The following ADGRG4 variants were observed in gnomAD, a reference collection of about 807,000 sequenced individuals.
The protein encoded by ADGRG4 is adhesion G protein-coupled receptor G4, also known as G protein-coupled receptor 112.
ADGRG4 carries 122 observed loss-of-function variants against 126.2 expected under a neutral mutation model. The observed-to-expected ratio is 0.97, with a 90% CI of 0.83 to 1.12. The LOEUF is 1.12. ADGRG4 is among the 50% of genes most tolerant of loss of function. The pLI is 0.00. For synonymous variants in ADGRG4, 943 were observed against 838.7 expected, an observed-to-expected ratio of 1.12 and a Z score of -2.15; for missense variants, 2,481 against 2,251.8, an observed-to-expected ratio of 1.10 and a Z score of -2.06.
At chrX:136,371,864 G>A (rs927171294) in intron 14 of ADGRG4, among the ~76,000 whole-genome samples, 3 of 111,450 alleles carry the variant, frequency 2.7e-5, no homozygotes, top group South Asian at 3.7e-4. Context: ...TTGAGCATCC[G>A]TGGATTTTTG....
chrX:136,318,067 T>C (rs1487425535), intron 4 of ADGRG4, among the ~76,000 whole-genome samples: 1 of 112,416 alleles, frequency 8.9e-6, no homozygotes, highest in Non-Finnish European at 1.9e-5. Flanking sequence ...AATAAAAACA[T>C]GTGTTCAAAC....
rs768914443 is a variant in ADGRG4, at chrX:136,346,775, T to C, written c.3069T>C (p.Ser1023=). 4 of 1,209,482 alleles carry C rather than the reference T, an allele frequency of 3.3e-6. No individual in the cohort carries two copies. Among genetic ancestry groups the C allele is most frequent in the Non-Finnish European group, 4.5e-6 (4 of 894,580 alleles). Residue 1023 remains serine, a synonymous_variant, in exon 6 of 26, where the codon TCT becomes TCC. Coordinates refer to ENST00000394143, the MANE Select transcript of ADGRG4 (RefSeq NM_153834.4). ...TCTCATTGCCAGTTAATGGCAGTTC[T>C]GTGGTGGCTGAGGAGACTGAGGTTA... The part of the protein sequence containing the change: ...HMFSLPVNGS[S]VVAEETEVTM...
Position 136,414,318 on chromosome X carries a change from T to C in ADGRG4, c.9196T>C (p.Phe3066Leu). The change falls in exon 25 of 26, where the codon TTT becomes CTT. Residue 3066 changes from phenylalanine (F) to leucine (L), a missense_variant. Physicochemically the swap from Phe to Leu is conservative, Grantham distance 22. Coordinates refer to ENST00000394143, the MANE Select transcript of ADGRG4 (RefSeq NM_153834.4). ...ACAAGGCACACCTTCAGAAATAAGCTTTCCAAATGGTAAGAAAAAAAGGCT... is the reference window on the plus strand; with the variant it reads ...ACAAGGCACACCTTCAGAAATAAGCCTTCCAAATGGTAAGAAAAAAAGGCT... ...SAQGTPSEIS[F>L]PNDDFDKDPY... 7.5e-6 allele frequency: 9 copies of C among 1,192,671 alleles called. No individual in the cohort carries two copies. The highest frequency in any genetic ancestry group is 1.0e-5 in the Non-Finnish European group (9 of 886,332).
At chrX:136,326,054 C>T (rs1350553804) in intron 5 of ADGRG4, among the ~76,000 whole-genome samples, 2 of 112,297 alleles carry the variant, frequency 1.8e-5, no homozygotes, top group Non-Finnish European at 3.8e-5. Flanking sequence ...CTGGGTCTGA[C>T]TGAATCATGG....
Position 136,392,334 on chromosome X carries a change from C to A in ADGRG4, c.8014C>A (p.Gln2672Lys). The A allele has an allele frequency of 8.5e-7, 1 of 1,172,233 alleles. No homozygotes were observed. ...AGCTGACCCAGTGGTTATCACTCTG[C>A]AGCATATTGGAGGAAACCAGGTAAT... ...NLADPVVITLQHIGGNQNYGQ... is the reference protein window; with the variant it reads ...NLADPVVITLKHIGGNQNYGQ... Residue 2672 changes from glutamine (Q) to lysine (K), a missense_variant, in exon 17 of 26, where the codon CAG (glutamine) becomes AAG (lysine). By Grantham distance (53) the Gln-to-Lys change is moderately conservative. Coordinates refer to ENST00000394143, the MANE Select transcript of ADGRG4 (RefSeq NM_153834.4).
chrX:136,389,276 T>A (rs1234739331), intron 16 of ADGRG4, among the ~76,000 whole-genome samples: 2 of 112,304 alleles, frequency 1.8e-5, no homozygotes, highest in Non-Finnish European at 3.8e-5. Flanking sequence ...AAATTAAAAA[T>A]ATGCTCCACA....
intron 13 of ADGRG4, among the ~76,000 whole-genome samples, chrX:136,368,876 A>T (rs1012027977): frequency 8.9e-6 from 1 of 112,481 alleles, no homozygotes; most frequent in African/African-American, 3.2e-5. Flanking sequence ...TCGTTCACAG[A>T]ATTCCTGAAA....
At position 136,350,396 on chromosome X, in the gene ADGRG4, G is replaced by A. The variant is rs775789714; in HGVS notation, c.6690G>A (p.Thr2230=). ...WLDSTPSFLS[T]EASTSPTATK... ...ACTCCACACCTTCCTTTCTATCTAC[G>A]GAAGCATCGACTTCGCCTACTGCCA... Residue 2230 remains threonine (T), a synonymous_variant, in exon 6 of 26, where the codon ACG becomes ACA. Transcript: ENST00000394143. 26 of 1,208,763 alleles carry A rather than the reference G, an allele frequency of 2.2e-5. No individual in the cohort carries two copies. The highest frequency in any genetic ancestry group is 3.0e-5 in the East Asian group (1 of 33,784).
chrX:136,324,169 A>G (rs1040881829), intron 5 of ADGRG4, among the ~76,000 whole-genome samples: 5 of 111,227 alleles, frequency 4.5e-5, no homozygotes, highest in Non-Finnish European at 7.5e-5. Flanking sequence ...TTTCTCCACC[A>G]TAAAGTTATT....
chrX:136,413,788 T>G (rs2075461135), intron 24 of ADGRG4, among the ~76,000 whole-genome samples: 2 of 108,224 alleles, frequency 1.8e-5, no homozygotes, highest in Admixed American at 9.9e-5. Context: ...TTGCCCAGGC[T>G]GGAGTGCAAT....
In ADGRG4 at chrX:136,348,360, T is replaced by C. The variant is rs368223288; in HGVS notation, c.4654T>C (p.Cys1552Arg). The change falls in exon 6 of 26, where the codon TGT (cysteine) becomes CGT (arginine). Residue 1552 changes from cysteine (C) to arginine (R), a missense_variant. Physicochemically the swap from Cys to Arg is radical, Grantham distance 180 (BLOSUM62 -3). Coordinates refer to ENST00000394143, the MANE Select transcript of ADGRG4 (RefSeq NM_153834.4). ...TMHPGCLKSP[C>R]TATSGPMSEM... Reference sequence around the variant, plus strand: ...GCATCCAGGTTGTTTGAAAAGTCCCTGTACAGCCACTTCTGGGCCTATGTC... The same window carrying C: ...GCATCCAGGTTGTTTGAAAAGTCCCCGTACAGCCACTTCTGGGCCTATGTC... 7 of 1,208,847 alleles carry C rather than the reference T, an allele frequency of 5.8e-6. No individual in the cohort carries two copies. Among genetic ancestry groups the C allele is most frequent in the Non-Finnish European group, 5.6e-6 (5 of 894,330 alleles).
intron 16 of ADGRG4, among the ~76,000 whole-genome samples, chrX:136,390,791 T>C (rs912030182): frequency 3.6e-5 from 4 of 111,154 alleles, no homozygotes; most frequent in African/African-American, 9.8e-5. Flanking sequence ...TCATAGTGTG[T>C]GTCTCCTCCT....
At position 136,346,951 on chromosome X, in the gene ADGRG4, G is replaced by A. The variant is rs760794810; in HGVS notation, c.3245G>A (p.Gly1082Glu). The change falls in exon 6 of 26, where the codon GGA becomes GAA. Residue 1082 changes from glycine to glutamate, a missense_variant. Transcript: ENST00000394143. ...STTIVIVPTH[G>E]DLIRTTSEAT... is the part of the protein sequence containing the mutation. ...ACCATTGTTATTGTGCCTACCCATG[G>A]AGACTTGATTCGTACCACTTCAGAG... 69 of 1,209,066 alleles carry A rather than the reference G, an allele frequency of 5.7e-5. No individual in the cohort carries two copies. Among genetic ancestry groups the A allele is most frequent in the Non-Finnish European group, 7.7e-5 (69 of 894,644 alleles).
intron 13 of ADGRG4, among the ~76,000 whole-genome samples, chrX:136,370,837 ACT>A (rs1194879362): frequency 9.0e-6 from 1 of 111,677 alleles, no homozygotes; most frequent in East Asian, 2.8e-4. Flanking sequence ...CATTGTTCTT[ACT>A]CTCTGGAAAA....
intron 15 of ADGRG4, among the ~76,000 whole-genome samples, chrX:136,379,558 C>T (rs774319542): frequency 1.9e-5 from 2 of 106,352 alleles, no homozygotes; most frequent in South Asian, 4.4e-4. Context: ...CTTTCCAGCC[C>T]TCTCTATTCT....
At chrX:136,343,801 A>G (rs900511762) in intron 5 of ADGRG4, among the ~76,000 whole-genome samples, 5 of 111,610 alleles carry the variant, frequency 4.5e-5, no homozygotes, top group Non-Finnish European at 9.4e-5. Context: ...ACTCAATCTC[A>G]TAACGATTTT....
In ADGRG4 at chrX:136,344,478, G is replaced by A; in HGVS notation, c.772G>A (p.Val258Ile). The change falls in exon 6 of 26, where the codon GTA becomes ATA. Residue 258 changes from valine to isoleucine, a missense_variant. By Grantham distance (29) the Val-to-Ile change is conservative. Coordinates refer to ENST00000394143, the MANE Select transcript of ADGRG4 (RefSeq NM_153834.4). ...GACCACTCCATCCCAAATTACTGGA[G>A]TAAAACCACAAAATACTGCACATTC... ...DMTTPSQITGVKPQNTAHSST... is the reference protein window; with the variant it reads ...DMTTPSQITGIKPQNTAHSST... 8.3e-7 allele frequency: 1 copy of A among 1,202,777 alleles called. No homozygotes were observed. Among genetic ancestry groups the A allele is most frequent in the Non-Finnish European group, 1.1e-6 (1 of 887,752 alleles).
rs1263106507 is a variant in ADGRG4 at position 136,345,244 on chromosome X, T to C, written c.1538T>C (p.Leu513Pro). Reference protein sequence around the residue: ...TVHSLTLPTRLIETTPAPRTA... With the variant: ...TVHSLTLPTRPIETTPAPRTA... ...CATTCATTGACTCTCCCAACTAGGC[T>C]TATTGAGACCACACCTGCCCCAAGG... Residue 513 changes from leucine (L) to proline (P), a missense_variant, in exon 6 of 26, where the codon CTT becomes CCT. Transcript: ENST00000394143. The C allele has an allele frequency of 8.3e-7, 1 of 1,211,422 alleles. No individual in the cohort carries two copies. Among genetic ancestry groups the C allele is most frequent in the Admixed American group, 2.2e-5 (1 of 45,992 alleles).
intron 5 of ADGRG4, among the ~76,000 whole-genome samples, chrX:136,340,391 G>C (rs1473696677): frequency 6.3e-5 from 7 of 111,456 alleles, no homozygotes; most frequent in African/African-American, 2.0e-4. Flanking sequence ...GATTATTCAA[G>C]GCATATATCA....
Sources: gnomAD v4.1 joint callset for allele counts (sites outside exome capture counted in the v4.1 genomes callset) on GRCh38, gnomAD v4.1.1 for gene constraint, MANE v1.5 for transcripts, NCBI Gene and HGNC (gene_info 2026-07-23, HGNC 2026-07-21) for gene names.